The following IFT74 variants were observed in gnomAD, a reference collection of about 807,000 sequenced individuals.
IFT74 encodes the protein intraflagellar transport protein 74 homolog.
A neutral mutation model predicts 96.7 loss-of-function variants in IFT74; 92 were observed. The observed-to-expected ratio is 0.95, with a 90% CI of 0.80 to 1.13. The LOEUF (loss-of-function observed/expected upper bound fraction) is 1.13. IFT74 is among the 50% of genes most tolerant of loss of function. The probability of loss-of-function intolerance (pLI) is 0.00; values close to 1 mark genes in which losing one functional copy is unlikely to be tolerated. For synonymous variants in IFT74, 223 were observed against 213.2 expected, an observed-to-expected ratio of 1.05 and a Z score of -0.40; for missense variants, 811 against 698.2, an observed-to-expected ratio of 1.16 and a Z score of -1.82.
chr9:27,012,735 T>A (rs796158968), intron 10 of IFT74, among the ~76,000 whole-genome samples: 145 of 118,128 alleles, frequency 1.2e-3, no homozygotes, highest in African/African-American at 4.0e-3. Context: ...TTTTTTTTTT[T>A]AGACAGAGTA....
rs1826780759 is a variant in IFT74, at chr9:26,969,379, GC to G, written c.120+7293del. On this transcript the variant is annotated intron_variant, in intron 2 of 19. Coordinates refer to ENST00000380062, the MANE Select transcript of IFT74 (RefSeq NM_025103.4). ...TTTTTGATTTGAAGATGTATGTATAGCTACTCCTGCTTGCTTTTGGTAGTGT... is the reference window on the plus strand; with the variant it reads ...TTTTTGATTTGAAGATGTATGTATAGTACTCCTGCTTGCTTTTGGTAGTGT... 1.5e-4 allele frequency among the ~76,000 whole-genome samples: 22 copies of G among 151,570 alleles called. 1 individual carries two copies. In the South Asian group the frequency reaches 4.6e-3, roughly 32 times the overall value.
At position 27,016,925 on chromosome 9, in the gene IFT74, G is replaced by A; in HGVS notation, c.808G>A (p.Val270Met). ...CCTTTAGGAAATAGCTCACTCCCAG[G>A]TGAAACAGGAGGCGGTATTGCTGCA... is the stretch of plus-strand genomic sequence containing the variant. ...SLEAEIAHSQ[V>M]KQEAVLLHEK... The change falls in exon 11 of 20, where the codon GTG becomes ATG. Residue 270 changes from valine (V) to methionine (M), a missense_variant. By Grantham distance (21) the Val-to-Met change is conservative (BLOSUM62 1). Coordinates refer to ENST00000380062, the MANE Select transcript of IFT74 (RefSeq NM_025103.4). 1 of 1,604,892 alleles carries A rather than the reference G, an allele frequency of 6.2e-7. No individual in the cohort carries two copies. The highest frequency in any genetic ancestry group is 8.5e-7 in the Non-Finnish European group (1 of 1,175,874).
At chr9:27,004,274 A>T (rs550076574) in intron 8 of IFT74, among the ~76,000 whole-genome samples, 6 of 152,334 alleles carry the variant, frequency 3.9e-5, no homozygotes, top group East Asian at 1.9e-4. Flanking sequence ...AATCATAAGG[A>T]TTAGAAAAGG....
upstream of IFT74, among the ~76,000 whole-genome samples, chr9:26,955,021 G>A (rs1031903879): frequency 2.0e-5 from 3 of 152,096 alleles, no homozygotes; most frequent in Admixed American, 2.0e-4. Context: ...ACCTAAATGA[G>A]CTTAAGCAAA....
chr9:27,011,204 A>G (rs922266605), intron 9 of IFT74, among the ~76,000 whole-genome samples: 3 of 152,174 alleles, frequency 2.0e-5, no homozygotes, highest in African/African-American at 7.2e-5. Flanking sequence ...GTGAGCCGAG[A>G]TCATGCCACT....
At chr9:27,008,545 G>A (rs558412211) in intron 8 of IFT74, among the ~76,000 whole-genome samples, 33 of 152,156 alleles carry the variant, frequency 2.2e-4, no homozygotes, top group African/African-American at 7.7e-4. Context: ...TTTTAGTAGA[G>A]ATGGGTGTTT....
At chr9:27,056,900 A>G (rs1259503896) in intron 18 of IFT74, among the ~76,000 whole-genome samples, 6 of 149,852 alleles carry the variant, frequency 4.0e-5, no homozygotes, top group South Asian at 2.1e-4. Flanking sequence ...AGATAGATAG[A>G]TAGATATGTG....
chr9:27,047,437 C>A (rs1242537326), intron 15 of IFT74, 66 bp downstream of exon 15: 11 of 926,520 alleles, frequency 1.2e-5, no homozygotes, highest in Admixed American at 2.5e-5. Flanking sequence ...CCAAATACAA[C>A]TCAAAAAATA....
chr9:27,003,294 G>A (rs892745392), intron 8 of IFT74, among the ~76,000 whole-genome samples: 4 of 151,830 alleles, frequency 2.6e-5, no homozygotes, highest in Admixed American at 6.6e-5. Context: ...AGGCCGAGGC[G>A]GGCAGATCAC....
intron 12 of IFT74, among the ~76,000 whole-genome samples, chr9:27,026,327 A>G (rs903788022): frequency 6.6e-6 from 1 of 152,196 alleles, no homozygotes; most frequent in Non-Finnish European, 1.5e-5. Context: ...TCCCAAATGT[A>G]AAAAACAATT....
chr9:27,028,839 G>T, intron 12 of IFT74, 186 bp from the exon 13 acceptor site: 2 of 453,326 alleles, frequency 4.4e-6, no homozygotes, highest in South Asian at 3.6e-5. Context: ...GCTATTTTTC[G>T]ATATTTATGC....
At chr9:26,978,591 AG>A (rs1827226938) in intron 3 of IFT74, among the ~76,000 whole-genome samples, 1 of 152,222 alleles carries the variant, frequency 6.6e-6, no homozygotes, top group African/African-American at 2.4e-5. Context: ...ATGGAGCTGT[AG>A]TACAACTTGA....
chr9:27,031,201 G>C (rs542637594), intron 13 of IFT74, among the ~76,000 whole-genome samples: 5 of 152,136 alleles, frequency 3.3e-5, no homozygotes, highest in African/African-American at 9.7e-5. Flanking sequence ...CTTTTAGGTC[G>C]TGTGCGGTGG....
At chr9:27,011,789 A>G in intron 9 of IFT74, 117 bp from the exon 10 acceptor site, 1 of 477,222 alleles carries the variant, frequency 2.1e-6, no homozygotes, top group Non-Finnish European at 3.6e-6. Context: ...TTACTTAGTC[A>G]CTTTGAAATG....
chr9:26,955,739 A>G (rs544925599), upstream of IFT74: 24 of 152,288 alleles, frequency 1.6e-4, no homozygotes, highest in African/African-American at 4.8e-4. Context: ...TACATATGCA[A>G]TCACATTTAA....
chr9:26,994,332 T>C (rs1373326831), intron 8 of IFT74: 1 of 151,890 alleles, frequency 6.6e-6, no homozygotes, highest in Admixed American at 6.6e-5. Flanking sequence ...AGGTCAGGCG[T>C]TCGAGACCAG....
chr9:26,984,153 A>G lies in IFT74; in HGVS notation c.306-104A>G. 4.5e-6 allele frequency: 4 copies of G among 879,650 alleles called. No homozygotes were observed. The South Asian group carries it at 5.3e-5, about 12-fold the overall frequency. The allele number at this position is 879,650 out of a possible 1,614,324, so 54.5% of individuals were successfully genotyped here. A position where few individuals can be genotyped will look rare whatever the true frequency, so the allele number is the denominator to read the frequency against. ...GCATTCTTTTAGTGAATTTCACAAA[A>G]CTATTTATATTATTATTACGTATTA... On this transcript the variant is annotated intron_variant, in intron 4 of 19. Coordinates refer to ENST00000380062, the MANE Select transcript of IFT74 (RefSeq NM_025103.4).
chr9:26,973,112 G>A (rs11534184), intron 2 of IFT74, among the ~76,000 whole-genome samples: 15,553 of 152,138 alleles, frequency 0.1, 1,823 homozygotes, highest in East Asian at 0.65. Context: ...AATATGTCTC[G>A]GCTATCCTCA....
At position 27,054,157 on chromosome 9, in the gene IFT74, G is replaced by A. The variant is rs145783154; in HGVS notation, c.1334-1452G>A. 5.2e-3 allele frequency among the ~76,000 whole-genome samples: 790 copies of A among 152,272 alleles called. 8 individuals are homozygous for A. Among genetic ancestry groups the A allele is most frequent in the African/African-American group, 0.018 (751 of 41,566 alleles). On this transcript the variant is annotated intron_variant, in intron 16 of 19. Transcript: ENST00000380062. The stretch of plus-strand genomic sequence containing the variant: ...TTTTCTCAAATCAGTGACTTTCGAA[G>A]CATTGTTTTTTACTCTTCAAATTCA...
Sources: allele counts gnomAD v4.1 joint callset (sites outside exome capture counted in the v4.1 genomes callset), GRCh38; gene constraint gnomAD v4.1.1; transcripts MANE v1.5; gene names NCBI Gene and HGNC (gene_info 2026-07-23, HGNC 2026-07-21).